LOXHD1: variants seen among roughly 807,000 people sequenced by gnomAD.
The protein encoded by LOXHD1 is lipoxygenase homology PLAT domains 1.
A neutral mutation model predicts 248.2 loss-of-function variants in LOXHD1; 205 were observed. The observed-to-expected ratio is 0.83, with a 90% CI of 0.74 to 0.93. The LOEUF is 0.93. LOXHD1 is among the 40% of genes least tolerant of loss of function. LOXHD1 has a pLI of 0.00. For synonymous variants in LOXHD1, 1,113 were observed against 1,162.8 expected, an observed-to-expected ratio of 0.96 and a Z score of 0.87; for missense variants, 2,930 against 2,971.6, an observed-to-expected ratio of 0.99 and a Z score of 0.33.
At chr18:46,537,222 A>G (rs2036350619) in intron 26 of LOXHD1, among the ~76,000 whole-genome samples, 1 of 152,202 alleles carries the variant, frequency 6.6e-6, no homozygotes, top group Non-Finnish European at 1.5e-5. Flanking sequence ...TAGCTAACTA[A>G]GAGTGCATAT....
chr18:46,536,091 C>A lies in LOXHD1; in HGVS notation c.4096-1640G>T, dbSNP rs541762047. Among the ~76,000 whole-genome samples, 4 of 152,334 alleles carry A rather than the reference C, an allele frequency of 2.6e-5. No homozygotes were observed. In the South Asian group the frequency reaches 6.2e-4, roughly 24 times the overall value. Reference sequence around the variant, plus strand: ...AGACACCTTGAGTAAGTCTGCTTAACCTTTCTGCACTTTATTTCCTCATCT... The same window carrying A: ...AGACACCTTGAGTAAGTCTGCTTAAACTTTCTGCACTTTATTTCCTCATCT... On this transcript the variant is annotated intron_variant, in intron 26 of 40. Coordinates refer to ENST00000642948, the MANE Select transcript of LOXHD1 (RefSeq NM_001384474.1).
chr18:46,623,149 T>G (rs328188), intron 4 of LOXHD1, among the ~76,000 whole-genome samples: 45,982 of 152,136 alleles, frequency 0.3, 8,549 homozygotes, highest in East Asian at 0.45. Flanking sequence ...GGAACCTTTG[T>G]GCAAATTAGG....
intron 15 of LOXHD1, 51 bp from the exon 16 acceptor site, chr18:46,569,689 G>T: frequency 6.9e-7 from 1 of 1,456,880 alleles, no homozygotes; most frequent in South Asian, 1.3e-5. Flanking sequence ...TGCAGGGGGT[G>T]ACAGGAAGCA....
At chr18:46,567,885 G>A (rs1238938577) in intron 16 of LOXHD1, among the ~76,000 whole-genome samples, 1 of 152,098 alleles carries the variant, frequency 6.6e-6, no homozygotes. Flanking sequence ...TGTTGAGGGG[G>A]TTTCGGAAAC....
chr18:46,638,213 G>A (rs1487265641), intron 4 of LOXHD1, among the ~76,000 whole-genome samples: 1 of 152,170 alleles, frequency 6.6e-6, no homozygotes, highest in South Asian at 2.1e-4. Context: ...AATGTCACCA[G>A]TGTTGTTTTT....
chr18:46,487,377 A>G (rs1040287150), intron 38 of LOXHD1, among the ~76,000 whole-genome samples: 12 of 152,222 alleles, frequency 7.9e-5, no homozygotes, highest in Non-Finnish European at 1.5e-4. Context: ...ATTCCATGTC[A>G]CATTGTTCAA....
chr18:46,588,345 A>G (rs1482267712), intron 12 of LOXHD1, among the ~76,000 whole-genome samples: 1 of 152,158 alleles, frequency 6.6e-6, no homozygotes, highest in East Asian at 1.9e-4. Context: ...ACAGCCCTTC[A>G]ATCCATACTA....
chr18:46,482,614 T>C (rs895138238), intron 40 of LOXHD1, among the ~76,000 whole-genome samples: 1 of 152,210 alleles, frequency 6.6e-6, no homozygotes, highest in Non-Finnish European at 1.5e-5. Flanking sequence ...TTGCTTGGTC[T>C]GGGGGAGCCA....
chr18:46,629,168 C>T (rs1047364974), intron 4 of LOXHD1, among the ~76,000 whole-genome samples: 4 of 152,164 alleles, frequency 2.6e-5, no homozygotes, highest in African/African-American at 9.7e-5. Flanking sequence ...CCCCCTAGTC[C>T]AGGCACTCTA....
chr18:46,547,684 C>A (rs1239318132), intron 21 of LOXHD1, among the ~76,000 whole-genome samples: 1 of 152,110 alleles, frequency 6.6e-6, no homozygotes, highest in African/African-American at 2.4e-5. Flanking sequence ...ATTAAGGACT[C>A]TCCCCTGGGT....
rs544940907 is a variant in LOXHD1, at chr18:46,493,389, T to A, written c.5879-4247A>T. 9.2e-5 allele frequency among the ~76,000 whole-genome samples: 14 copies of A among 152,356 alleles called. No individual in the cohort carries two copies. The South Asian group carries it at 2.9e-3, about 32-fold the overall frequency. The stretch of plus-strand genomic sequence containing the variant: ...ATCTGAAATAAGTTTGTCTTTGTTT[T>A]CTCATATATTGTATAGTTTGTCTTC... On this transcript the variant is annotated intron_variant, in intron 37 of 40. Transcript: ENST00000642948.
At chr18:46,544,589 C>G (rs1035818702) in intron 23 of LOXHD1, among the ~76,000 whole-genome samples, 1 of 152,180 alleles carries the variant, frequency 6.6e-6, no homozygotes. Context: ...CTTCATTAGA[C>G]CTACAACTCT....
intron 8 of LOXHD1, among the ~76,000 whole-genome samples, chr18:46,597,578 A>ACACACACACC (rs1491297350): frequency 5.3e-5 from 8 of 149,686 alleles, no homozygotes; most frequent in African/African-American, 2.0e-4. Context: ...ACACACACAC[A>ACACACACACC]CCCCTACCTG....
intron 28 of LOXHD1, among the ~76,000 whole-genome samples, chr18:46,530,060 T>C (rs1164632549): frequency 6.6e-6 from 1 of 152,242 alleles, no homozygotes; most frequent in African/African-American, 2.4e-5. Flanking sequence ...TTTCCTAACC[T>C]TCTCCTTACC....
At chr18:46,524,440 T>A in intron 31 of LOXHD1, 26 bp downstream of exon 31, 1 of 1,542,698 alleles carries the variant, frequency 6.5e-7, no homozygotes. Context: ...CTGGCCCCCG[T>A]CCAAAGAGCT....
At chr18:46,598,003 G>A (rs577562716) in intron 8 of LOXHD1, among the ~76,000 whole-genome samples, 10 of 150,698 alleles carry the variant, frequency 6.6e-5, no homozygotes, top group Non-Finnish European at 1.2e-4. Flanking sequence ...TCCTGACCTC[G>A]TGATCTGCCC....
chr18:46,603,136 A>G (rs528153301), intron 7 of LOXHD1, among the ~76,000 whole-genome samples: 1 of 152,278 alleles, frequency 6.6e-6, no homozygotes, highest in East Asian at 1.9e-4. Context: ...AGAAGGGAGA[A>G]GTTACCCAGG....
chr18:46,495,903 A>G (rs374133515), intron 37 of LOXHD1, among the ~76,000 whole-genome samples: 14 of 152,236 alleles, frequency 9.2e-5, no homozygotes, highest in Middle Eastern at 3.4e-3. Flanking sequence ...GTGGTGCTGC[A>G]CACCTGTAAT....
intron 4 of LOXHD1, among the ~76,000 whole-genome samples, chr18:46,620,053 C>T (rs539540239): frequency 6.0e-4 from 91 of 152,308 alleles, no homozygotes; most frequent in Non-Finnish European, 1.0e-3. Flanking sequence ...GGCAGTAACA[C>T]CTGGCAGGTG....
Sources: gnomAD v4.1 joint callset for allele counts (sites outside exome capture counted in the v4.1 genomes callset) on GRCh38, gnomAD v4.1.1 for gene constraint, MANE v1.5 for transcripts, NCBI Gene and HGNC (gene_info 2026-07-23, HGNC 2026-07-21) for gene names.